The following KLHL3 variants were observed in gnomAD, a reference collection of about 807,000 sequenced individuals.
The protein encoded by KLHL3 is kelch like family member 3, also known as kelch-like protein 3.
Under a neutral mutation model 70.5 loss-of-function variants are expected in KLHL3, and 19 were observed. That is an observed-to-expected ratio of 0.27 (90% confidence interval 0.19 to 0.40). The LOEUF is 0.40. Ranked by LOEUF, KLHL3 falls within the 10% of genes least tolerant of loss-of-function variation. The pLI is 1.00. For synonymous variants in KLHL3, 258 were observed against 290.3 expected (o/e 0.89, Z 1.13); for missense variants, 512 against 771.1 (o/e 0.66, Z 3.98).
At chr5:137,701,558 C>A (rs1309386941) in intron 3 of KLHL3, among the ~76,000 whole-genome samples, 1 of 152,152 alleles carries the variant, frequency 6.6e-6, no homozygotes, top group African/African-American at 2.4e-5. Flanking sequence ...TAGCAAAGAA[C>A]CAAGCGGCTT....
chr5:137,702,875 AT>A (rs1752599311), intron 3 of KLHL3, among the ~76,000 whole-genome samples: 1 of 152,210 alleles, frequency 6.6e-6, no homozygotes, highest in African/African-American at 2.4e-5. Flanking sequence ...AGGTAAAAGC[AT>A]CCAAGTCTTC....
At chr5:137,628,875 A>AT (rs1750559523) in intron 12 of KLHL3, 1 of 152,528 alleles carries the variant, frequency 6.6e-6, no homozygotes, top group South Asian at 2.1e-4. Context: ...AATTACATTC[A>AT]TTTTCCTTTT....
At chr5:137,648,798 C>A (rs1286136592) in intron 8 of KLHL3, among the ~76,000 whole-genome samples, 3 of 152,186 alleles carry the variant, frequency 2.0e-5, no homozygotes, top group Non-Finnish European at 2.9e-5. Context: ...TCTCTCTCCA[C>A]CATGTTGTTT....
chr5:137,687,257 G>GGT, intron 5 of KLHL3, among the ~76,000 whole-genome samples: 1 of 36,484 alleles, frequency 2.7e-5, no homozygotes, highest in African/African-American at 1.4e-4. Context: ...GCGGGGGGGG[G>GGT]TCGGCCAGCC....
chr5:137,706,673 A>G (rs192806870), intron 3 of KLHL3, among the ~76,000 whole-genome samples: 1 of 152,378 alleles, frequency 6.6e-6, no homozygotes, highest in Non-Finnish European at 1.5e-5. Flanking sequence ...AACGAAGGAA[A>G]TGAATTTTCA....
chr5:137,637,277 C>T lies in KLHL3; in HGVS notation c.1321+17G>A, dbSNP rs766056241. ...GGGCCAGGTAGGCCTGGCCACTGGC[C>T]ACTGCCGCCTCCTTACCCTCCACAA... On this transcript the variant is annotated intron_variant, in intron 11 of 14. Transcript: ENST00000309755. 32 of 1,611,020 alleles carry T rather than the reference C, an allele frequency of 2.0e-5. No individual in the cohort carries two copies. The Admixed American group carries it at 5.3e-4, about 27-fold the overall frequency.
rs1242008865 is a variant in KLHL3 at position 137,698,269 on chromosome 5, T to C, written c.363+18A>G. 3.7e-6 allele frequency: 6 copies of C among 1,613,968 alleles called. No individual in the cohort carries two copies. The highest frequency in any genetic ancestry group is 5.1e-6 in the Non-Finnish European group (6 of 1,179,954). On this transcript the variant is annotated intron_variant, in intron 4 of 14. Coordinates refer to ENST00000309755, the MANE Select transcript of KLHL3 (RefSeq NM_017415.3). The stretch of plus-strand genomic sequence containing the variant: ...CTGAGTGTGCAATACACTGAGCTAT[T>C]AGTGAGCCTGAGTTTACCTGGACAT...
At chr5:137,669,635 C>T (rs1214393796) in intron 6 of KLHL3, among the ~76,000 whole-genome samples, 4 of 144,302 alleles carry the variant, frequency 2.8e-5, no homozygotes, top group Non-Finnish European at 6.1e-5. Context: ...CGTCTACAAG[C>T]TGAGAGACGT....
chr5:137,626,135 T>C (rs1416022789), intron 13 of KLHL3, among the ~76,000 whole-genome samples: 1 of 152,132 alleles, frequency 6.6e-6, no homozygotes, highest in Non-Finnish European at 1.5e-5. Flanking sequence ...GGAGTTTTGA[T>C]TACTTATAAC....
intron 6 of KLHL3, among the ~76,000 whole-genome samples, chr5:137,670,587 A>C (rs1047584026): frequency 6.6e-6 from 1 of 152,026 alleles, no homozygotes; most frequent in Non-Finnish European, 1.5e-5. Flanking sequence ...AAGCTCTGAC[A>C]ACTCCTGTAG....
At chr5:137,651,010 C>A (rs1484495380) in intron 8 of KLHL3, among the ~76,000 whole-genome samples, 1 of 152,086 alleles carries the variant, frequency 6.6e-6, no homozygotes, top group Non-Finnish European at 1.5e-5. Flanking sequence ...CTAGGGTCAA[C>A]CTACATTAGT....
At chr5:137,699,997 T>C (rs1752533466) in intron 3 of KLHL3, among the ~76,000 whole-genome samples, 1 of 152,114 alleles carries the variant, frequency 6.6e-6, no homozygotes, top group Admixed American at 6.5e-5. Context: ...GGGGAGACAT[T>C]CCAAACCCCG....
intron 14 of KLHL3, among the ~76,000 whole-genome samples, chr5:137,624,275 G>A (rs1750396156): frequency 1.3e-5 from 2 of 152,068 alleles, no homozygotes; most frequent in South Asian, 4.2e-4. Context: ...ACCTACTTCT[G>A]GAGAGGGCAG....
At chr5:137,628,993 T>C (rs1750562839) in intron 12 of KLHL3, 2 of 152,112 alleles carry the variant, frequency 1.3e-5, no homozygotes, top group South Asian at 4.2e-4. Context: ...ACAGCAAAAG[T>C]GCTGAAATTA....
chr5:137,637,247 C>T (rs1750789798), intron 11 of KLHL3, 47 bp downstream of exon 11: 2 of 1,506,472 alleles, frequency 1.3e-6, no homozygotes, highest in Admixed American at 3.3e-5. Context: ...CAGGACAAGG[C>T]CCGTGGGCCA....
chr5:137,622,231 A>T, intron 14 of KLHL3, 105 bp from the exon 15 acceptor site: 1 of 1,340,356 alleles, frequency 7.5e-7, no homozygotes, highest in East Asian at 2.3e-5. Flanking sequence ...GCCAAGGGAA[A>T]TGTGTGCAAT....
At chr5:137,691,207 AC>A (rs1380342091) in intron 5 of KLHL3, among the ~76,000 whole-genome samples, 6 of 152,242 alleles carry the variant, frequency 3.9e-5, no homozygotes, top group African/African-American at 1.4e-4. Context: ...AGAACCATAC[AC>A]TATGCAAGAG....
chr5:137,720,387 T>C, intron 2 of KLHL3, 78 bp downstream of exon 2: 14 of 1,563,436 alleles, frequency 9.0e-6, no homozygotes, highest in Middle Eastern at 3.4e-4. Flanking sequence ...GGTCATGTTC[T>C]GACTTCTGTT....
rs1274495071 is a variant in KLHL3 at position 137,658,117 on chromosome 5, GGGCT to G, written c.903+10_903+13del. ...ACAGTCCTGACTCTTGGTGGTGATT[GGGCT>G]GGGGCTTACCTTGGGAAGGCTGACT... On this transcript the variant is annotated intron_variant, in intron 8 of 14. Coordinates refer to ENST00000309755, the MANE Select transcript of KLHL3 (RefSeq NM_017415.3). 6 of 1,606,364 alleles carry G rather than the reference GGGCT, an allele frequency of 3.7e-6. No homozygotes were observed. In the African/African-American group the frequency reaches 8.1e-5, roughly 22 times the overall value.
Sources: gnomAD v4.1 joint callset for allele counts (sites outside exome capture counted in the v4.1 genomes callset) on GRCh38, gnomAD v4.1.1 for gene constraint, MANE v1.5 for transcripts, NCBI Gene and HGNC (gene_info 2026-07-23, HGNC 2026-07-21) for gene names.